The following DNAJC10 variants were observed in gnomAD, a reference collection of about 807,000 sequenced individuals.
The protein encoded by DNAJC10 is endoplasmic reticulum disulfide reductase DNAJC10.
A neutral mutation model predicts 115.0 loss-of-function variants in DNAJC10; 101 were observed. The ratio of observed to expected loss-of-function variants is 0.88; its 90% CI spans 0.75 to 1.04. The LOEUF is 1.04. DNAJC10 is among the 50% of genes least tolerant of loss of function. DNAJC10 has a pLI of 0.00. For missense variants in DNAJC10, 981 were observed against 928.8 expected (o/e 1.06, Z -0.73); for synonymous variants, 307 against 301.5 (o/e 1.02, Z -0.19).
chr2:182,731,462 G>T (rs1413722184), intron 9 of DNAJC10, among the ~76,000 whole-genome samples: 4 of 151,914 alleles, frequency 2.6e-5, no homozygotes, highest in Non-Finnish European at 5.9e-5. Flanking sequence ...TGGAAATATG[G>T]ACTTTGCTTC....
intron 3 of DNAJC10, 104 bp downstream of exon 3, chr2:182,718,394 G>A (rs1243554846): frequency 1.2e-5 from 11 of 949,712 alleles, no homozygotes; most frequent in Non-Finnish European, 1.6e-5. Flanking sequence ...ATAATCATAT[G>A]TCAAAATTAT....
At position 182,752,108 on chromosome 2, in the gene DNAJC10, C is replaced by G. The variant is rs750420814; in HGVS notation, c.1471C>G (p.Arg491Gly). 1.9e-6 allele frequency: 3 copies of G among 1,612,596 alleles called. No individual in the cohort carries two copies. Among genetic ancestry groups the G allele is most frequent in the Non-Finnish European group, 2.5e-6 (3 of 1,179,346 alleles). The change falls in exon 16 of 24, where the codon CGA (arginine) becomes GGA (glycine). Residue 491 changes from arginine (R) to glycine (G), a missense_variant. By Grantham distance (125) the Arg-to-Gly change is moderately radical (BLOSUM62 -2). Transcript: ENST00000264065. ...ATGTCGAGCTTTACTACCAGAGTTA[C>G]GAAGAGCATCAAATCTTCTTTATGG... The part of the protein sequence containing the change: ...PPCRALLPEL[R>G]RASNLLYGQL...
intron 16 of DNAJC10, among the ~76,000 whole-genome samples, chr2:182,754,428 G>C (rs1291469250): frequency 1.3e-5 from 2 of 152,104 alleles, no homozygotes; most frequent in African/African-American, 4.8e-5. Flanking sequence ...TCCTGGGCTG[G>C]TGCCCATTTT....
At position 182,717,037 on chromosome 2, in the gene DNAJC10, AG is replaced by A. The variant is rs1172532556; in HGVS notation, c.-180del. 6.6e-6 allele frequency: 1 copy of A among 152,262 alleles called. No individual in the cohort carries two copies. Among genetic ancestry groups the A allele is most frequent in the Non-Finnish European group, 1.5e-5 (1 of 68,038 alleles). 9.4% of individuals were successfully genotyped at this position (152,262 alleles called of 1,614,324 possible). On this transcript the variant is annotated 5_prime_UTR_variant, in exon 2 of 24. It removes the in-frame stop codon of an upstream open reading frame in the 5' UTR. Coordinates refer to ENST00000264065, the MANE Select transcript of DNAJC10 (RefSeq NM_018981.4). The stretch of plus-strand genomic sequence containing the variant: ...AAAGGTATATTTTTGTGGAATGAAA[AG>A]GAAGTATTAGAAATGAGCTGAAGAC...
rs764426066 is a variant in DNAJC10 at position 182,789,795 on chromosome 2, G to A, written c.*12663G>A. The A allele has an allele frequency of 2.0e-5, 3 of 152,044 alleles. No homozygotes were observed. The highest frequency in any genetic ancestry group is 4.4e-5 in the Non-Finnish European group (3 of 68,008). 9.4% of individuals were successfully genotyped at this position (152,044 alleles called of 1,614,324 possible). ...ACCATTTTACATTCCCACCAATAGT[G>A]CACAAGAGTTCTGATTTTTCCACAT... On this transcript the variant is annotated 3_prime_UTR_variant, in exon 24 of 24. Transcript: ENST00000264065.
rs553353194 is a variant in DNAJC10 at position 182,763,147 on chromosome 2, C to G, written c.2265+346C>G. 2.6e-5 allele frequency among the ~76,000 whole-genome samples: 4 copies of G among 152,068 alleles called. No individual in the cohort carries two copies. The South Asian group carries it at 8.3e-4, about 32-fold the overall frequency. On this transcript the variant is annotated intron_variant, in intron 22 of 23. Transcript: ENST00000264065. ...AAGGTTATGGTGACTGTTGAGGTCA[C>G]TAAGAATACTCTATAATACACACTG...
chr2:182,730,564 A>C (rs1217037482), intron 8 of DNAJC10: 1 of 453,272 alleles, frequency 2.2e-6, no homozygotes, highest in Non-Finnish European at 4.4e-6. Context: ...GTGTAAAACA[A>C]CCCAGTTGGG....
intron 14 of DNAJC10, among the ~76,000 whole-genome samples, chr2:182,749,523 A>C (rs1378536228): frequency 8.0e-4 from 119 of 149,558 alleles, no homozygotes; most frequent in Non-Finnish European, 2.5e-4. Context: ...ATCTTCCTCC[A>C]TCCTTTTATT....
chr2:182,740,524 G>T, intron 12 of DNAJC10, 136 bp downstream of exon 12: 1 of 783,044 alleles, frequency 1.3e-6, no homozygotes, highest in Non-Finnish European at 1.9e-6. Context: ...TTATATATTA[G>T]TCAATTGTAG....
chr2:182,727,489 C>T (rs888508616), intron 5 of DNAJC10, among the ~76,000 whole-genome samples: 3 of 152,050 alleles, frequency 2.0e-5, no homozygotes, highest in Non-Finnish European at 4.4e-5. Flanking sequence ...GCAATTTTTT[C>T]GACCACCTCT....
At chr2:182,763,962 CT>C (rs1694349749) in intron 22 of DNAJC10, among the ~76,000 whole-genome samples, 1 of 152,090 alleles carries the variant, frequency 6.6e-6, no homozygotes, top group South Asian at 2.1e-4. Flanking sequence ...CCAATGAAAA[CT>C]TTCTTGTAAT....
intron 22 of DNAJC10, among the ~76,000 whole-genome samples, chr2:182,766,746 A>C (rs1293014998): frequency 1.3e-5 from 2 of 152,146 alleles, no homozygotes; most frequent in Non-Finnish European, 2.9e-5. Flanking sequence ...CCCCTCCAGC[A>C]GGGAAGTTTG....
intron 8 of DNAJC10, 22 bp from the exon 9 acceptor site, chr2:182,731,008 C>CT (rs756612610): frequency 1.2e-4 from 189 of 1,585,302 alleles, no homozygotes; most frequent in Admixed American, 1.7e-4. Flanking sequence ...TCAGAATTTG[C>CT]TTTTTTTCTT....
intron 8 of DNAJC10, chr2:182,730,458 C>A: frequency 2.5e-6 from 1 of 392,224 alleles, no homozygotes; most frequent in Admixed American, 3.0e-5. Context: ...ATATATAGTC[C>A]CTGCCATCAG....
At chr2:182,730,100 C>T (rs1436280047) in intron 8 of DNAJC10, among the ~76,000 whole-genome samples, 159 bp downstream of exon 8, 3 of 152,038 alleles carry the variant, frequency 2.0e-5, no homozygotes, top group Admixed American at 2.0e-4. Flanking sequence ...CTGAACTCTG[C>T]TGAATTTAAC....
intron 12 of DNAJC10, 96 bp downstream of exon 12, chr2:182,740,484 G>T (rs1477453192): frequency 3.3e-6 from 4 of 1,204,400 alleles, no homozygotes; most frequent in Non-Finnish European, 4.5e-6. Flanking sequence ...TTCATCTCTA[G>T]AGAGAATTGA....
In DNAJC10 at chr2:182,756,449, G is replaced by C. The variant is rs1694159088; in HGVS notation, c.1789G>C (p.Glu597Gln). The C allele has an allele frequency of 6.2e-7, 1 of 1,613,530 alleles. No individual in the cohort carries two copies. Among genetic ancestry groups the C allele is most frequent in the Non-Finnish European group, 8.5e-7 (1 of 1,179,760 alleles). ...WCHPCQVLMPEWKRMARTLTG... is the reference protein window; with the variant it reads ...WCHPCQVLMPQWKRMARTLTG... ...TCATCCTTGCCAAGTCTTAATGCCAGAATGGAAAAGAATGGCCCGGGTATA... is the reference window on the plus strand; with the variant it reads ...TCATCCTTGCCAAGTCTTAATGCCACAATGGAAAAGAATGGCCCGGGTATA... Residue 597 changes from glutamate to glutamine, a missense_variant, in exon 18 of 24, where the codon GAA (glutamate) becomes CAA (glutamine). Coordinates refer to ENST00000264065, the MANE Select transcript of DNAJC10 (RefSeq NM_018981.4).
Position 182,790,292 on chromosome 2 carries a change from T to C in DNAJC10, c.*13160T>C, listed in dbSNP as rs1232009188. 2 of 152,224 alleles carry C rather than the reference T, an allele frequency of 1.3e-5. No individual in the cohort carries two copies. Among genetic ancestry groups the C allele is most frequent in the Non-Finnish European group, 2.9e-5 (2 of 68,036 alleles). 9.4% of individuals were successfully genotyped at this position (152,224 alleles called of 1,614,324 possible). On this transcript the variant is annotated 3_prime_UTR_variant, in exon 24 of 24. Coordinates refer to ENST00000264065, the MANE Select transcript of DNAJC10 (RefSeq NM_018981.4). ...TATACTTATAAACTTCAAGATTTGC[T>C]GAAGTACTTTGGGTGCTAAATGCTT... is the stretch of plus-strand genomic sequence containing the variant.
At chr2:182,731,552 A>G (rs1196020710) in intron 9 of DNAJC10, among the ~76,000 whole-genome samples, 3 of 152,142 alleles carry the variant, frequency 2.0e-5, no homozygotes, top group Admixed American at 1.3e-4. Context: ...TCTTCTAGGA[A>G]CCTTTCCTTG....
Sources: allele counts gnomAD v4.1 joint callset (sites outside exome capture counted in the v4.1 genomes callset), GRCh38; gene constraint gnomAD v4.1.1; transcripts MANE v1.5; gene names NCBI Gene and HGNC (gene_info 2026-07-23, HGNC 2026-07-21).